Variants in KDR observed in about 807,000 individuals in gnomAD.
KDR encodes the protein vascular endothelial growth factor receptor 2.
KDR carries 43 observed loss-of-function variants against 160.9 expected under a neutral mutation model. That is an observed-to-expected ratio of 0.27 (90% CI 0.21 to 0.34). The LOEUF (loss-of-function observed/expected upper bound fraction) is 0.34, where lower values mean the gene tolerates loss of function less well. KDR is among the 10% of genes least tolerant of loss of function. The probability of loss-of-function intolerance (pLI) is 1.00; values close to 1 mark genes in which losing one functional copy is unlikely to be tolerated. For missense variants in KDR, 1,469 were observed against 1,666.4 expected (o/e 0.88, Z 2.06); for synonymous variants, 617 against 600.1 (o/e 1.03, Z -0.41).
chr4:55,107,605 G>C, intron 10 of KDR, 132 bp downstream of exon 10: 1 of 1,009,352 alleles, frequency 9.9e-7, no homozygotes, highest in South Asian at 1.3e-5. Context: ...AAGATGGATG[G>C]AGATTCAGGC....
chr4:55,094,499 C>T (rs1054393243), intron 21 of KDR, among the ~76,000 whole-genome samples: 13 of 152,182 alleles, frequency 8.5e-5, no homozygotes, highest in Non-Finnish European at 1.8e-4. Context: ...AACTTGTGGC[C>T]TCTCTCACTA....
chr4:55,082,895 G>C (rs1053451779), intron 27 of KDR, among the ~76,000 whole-genome samples: 1 of 152,126 alleles, frequency 6.6e-6, no homozygotes, highest in Non-Finnish European at 1.5e-5. Flanking sequence ...GTCCAGTTCT[G>C]GACTAAAGAC....
At chr4:55,112,418 T>TA (rs1720611007) in intron 7 of KDR, among the ~76,000 whole-genome samples, 1 of 152,142 alleles carries the variant, frequency 6.6e-6, no homozygotes, top group African/African-American at 2.4e-5. Context: ...ATAATACATA[T>TA]AACATATAAA....
rs374360261 is a variant in KDR at position 55,095,635 on chromosome 4, T to C, written c.2759A>G (p.Lys920Arg). The change falls in exon 20 of 30, where the codon AAA becomes AGA. Residue 920 changes from lysine (K) to arginine (R), a missense_variant. Around this residue, in one of 7 missense-constraint regions of KDR, gnomAD observed 151 missense variants for 207.2 expected, o/e 0.73. Coordinates refer to ENST00000263923, the MANE Select transcript of KDR (RefSeq NM_002253.4). The stretch of plus-strand genomic sequence containing the variant: ...CAGGTAAGTGGACAGGTTTCCAAAT[T>C]TGCAGAATTCCACAATCACCATGAG... ...GPLMVIVEFCKFGNLSTYLRS... is the reference protein window; with the variant it reads ...GPLMVIVEFCRFGNLSTYLRS... 1.2e-6 allele frequency: 2 copies of C among 1,613,792 alleles called. No individual in the cohort carries two copies. The highest frequency in any genetic ancestry group is 2.7e-5 in the African/African-American group (2 of 74,996).
At chr4:55,095,745 A>T in intron 19 of KDR, 80 bp from the exon 20 acceptor site, 2 of 974,696 alleles carry the variant, frequency 2.1e-6, no homozygotes, top group Non-Finnish European at 3.3e-6. Flanking sequence ...GATGAACCCA[A>T]AAACACCTTA....
chr4:55,124,619 C>G (rs920376933), intron 1 of KDR, among the ~76,000 whole-genome samples: 3 of 152,076 alleles, frequency 2.0e-5, no homozygotes, highest in African/African-American at 7.2e-5. Flanking sequence ...CCTATTCCCC[C>G]CCTTCTTCGC....
rs148390587 is a variant in KDR, at chr4:55,110,663, T to C, written c.1082A>G (p.Glu361Gly). Residue 361 changes from glutamate (E) to glycine (G), a missense_variant, in exon 8 of 30, where the codon GAA becomes GGA. This residue lies in a region of KDR where 792 missense variants were observed against 840.9 expected (regional missense o/e 0.94). Transcript: ENST00000263923. ...TATTTCCAGTAGTTACCATTTTATT[T>C]CTGGGGGTGGGTAACCAAGGTACTT... ...PAKYLGYPPP[E>G]IKWYKNGIPL... 2.0e-5 allele frequency: 32 copies of C among 1,613,786 alleles called. No homozygotes were observed. The highest frequency in any genetic ancestry group is 2.7e-5 in the Non-Finnish European group (32 of 1,179,876).
intron 29 of KDR, among the ~76,000 whole-genome samples, chr4:55,081,080 T>C (rs1191165872): frequency 6.6e-6 from 1 of 152,238 alleles, no homozygotes; most frequent in Non-Finnish European, 1.5e-5. Flanking sequence ...CGAATAAACA[T>C]TTTTTGAATC....
chr4:55,123,513 C>T (rs1267942410), intron 1 of KDR, among the ~76,000 whole-genome samples: 1 of 152,204 alleles, frequency 6.6e-6, no homozygotes, highest in Non-Finnish European at 1.5e-5. Context: ...GAGACTATGC[C>T]ATACTATTCT....
intron 21 of KDR, among the ~76,000 whole-genome samples, chr4:55,093,873 C>T (rs1720081433): frequency 6.6e-6 from 1 of 152,112 alleles, no homozygotes. Context: ...GGAAGTTAGG[C>T]TGGGACCACA....
intron 1 of KDR, chr4:55,122,706 C>G (rs1720915058): frequency 6.6e-6 from 1 of 152,154 alleles, no homozygotes; most frequent in Non-Finnish European, 1.5e-5. Flanking sequence ...TAAGTTATAT[C>G]AATATATCTC....
At chr4:55,090,139 G>T in intron 22 of KDR, 61 bp from the exon 23 acceptor site, 3 of 1,599,168 alleles carry the variant, frequency 1.9e-6, no homozygotes, top group Non-Finnish European at 2.6e-6. Flanking sequence ...CACATCTGTT[G>T]TGACCTCATG....
chr4:55,093,032 G>A (rs1281381769), intron 21 of KDR, among the ~76,000 whole-genome samples: 7 of 152,216 alleles, frequency 4.6e-5, no homozygotes, highest in South Asian at 4.1e-4. Flanking sequence ...CACTTACACT[G>A]TTTTTTGTCA....
At chr4:55,085,692 C>A (rs937151426) in intron 27 of KDR, among the ~76,000 whole-genome samples, 10 of 152,196 alleles carry the variant, frequency 6.6e-5, no homozygotes, top group African/African-American at 2.4e-4. Context: ...ATTCCAATTT[C>A]CATTTTATTT....
At chr4:55,099,194 T>C (rs1298176462) in intron 15 of KDR, among the ~76,000 whole-genome samples, 1 of 152,042 alleles carries the variant, frequency 6.6e-6, no homozygotes, top group Non-Finnish European at 1.5e-5. Flanking sequence ...TTTTCTTTTA[T>C]TTTCTGTAGA....
At position 55,097,747 on chromosome 4, in the gene KDR, A is replaced by G; in HGVS notation, c.2529T>C (p.Gly843=). ...RLKLGKPLGR[G]AFGQVIEADA... The stretch of plus-strand genomic sequence containing the variant: ...CTGCTTCAATCACTTGGCCAAAGGC[A>G]CCACGGCCAAGAGGCTTACCTAGAG... Residue 843 remains glycine (G), a synonymous_variant, in exon 18 of 30, where the codon GGT becomes GGC. Coordinates refer to ENST00000263923, the MANE Select transcript of KDR (RefSeq NM_002253.4). 6.2e-7 allele frequency: 1 copy of G among 1,612,836 alleles called. No homozygotes were observed. Among genetic ancestry groups the G allele is most frequent in the Non-Finnish European group, 8.5e-7 (1 of 1,179,268 alleles).
chr4:55,096,136 A>G, intron 19 of KDR, 93 bp downstream of exon 19: 1 of 745,096 alleles, frequency 1.3e-6, no homozygotes, highest in Non-Finnish European at 2.4e-6. Flanking sequence ...TAAGCTAAGA[A>G]AATCAAGGCC....
intron 7 of KDR, among the ~76,000 whole-genome samples, chr4:55,111,706 CA>C: frequency 6.6e-6 from 1 of 152,324 alleles, no homozygotes; most frequent in East Asian, 1.9e-4. Flanking sequence ...TGCATCTTGG[CA>C]AGTGAAATAA....
rs1269466300 is a variant in KDR, at chr4:55,082,632, C to T, written c.3666G>A (p.Gln1222=). The T allele has an allele frequency of 6.2e-7, 1 of 1,611,086 alleles. No homozygotes were observed. The highest frequency in any genetic ancestry group is 8.5e-7 in the Non-Finnish European group (1 of 1,177,302). ...FHYDNTAGIS[Q]YLQNSKRKSR... is the part of the protein sequence containing the mutation. ...TCTTTCGCTTACTGTTCTGCAGATA[C>T]TGACTGCAAAAGAACAAATATTTAT... The change falls in exon 28 of 30, where the codon CAG becomes CAA. Residue 1222 remains glutamine (Q), a synonymous_variant. Transcript: ENST00000263923.
Sources: gnomAD v4.1 joint callset for allele counts (sites outside exome capture counted in the v4.1 genomes callset) on GRCh38, gnomAD v4.1.1 for gene constraint, gnomAD v4.1.1 regional missense constraint, MANE v1.5 for transcripts, NCBI Gene and HGNC (gene_info 2026-07-23, HGNC 2026-07-21) for gene names.